BNIP1: variants seen among roughly 807,000 people sequenced by gnomAD.
BNIP1 encodes BCL2 interacting protein 1.
In BNIP1, 25 loss-of-function variants were observed where a neutral mutation model predicts 28.5. The ratio of observed to expected loss-of-function variants is 0.88; its 90% CI spans 0.64 to 1.23. BNIP1 has a LOEUF of 1.23. Ranked by LOEUF, BNIP1 falls within the 50% of genes most tolerant of loss-of-function variation. BNIP1 has a pLI of 0.00. For synonymous variants in BNIP1, 118 were observed against 101.7 expected (o/e 1.16, Z -0.96); for missense variants, 276 against 277.0 (o/e 1.00, Z 0.02).
intron 2 of BNIP1, 144 bp from the exon 3 acceptor site, chr5:173,154,178 A>C: frequency 1.6e-6 from 1 of 636,944 alleles, no homozygotes; most frequent in Non-Finnish European, 2.7e-6. Flanking sequence ...GATGTGTGTT[A>C]TATGTTACCT....
At chr5:173,153,647 GT>G (rs1554089693) in intron 2 of BNIP1, among the ~76,000 whole-genome samples, 1 of 151,574 alleles carries the variant, frequency 6.6e-6, no homozygotes, top group Admixed American at 6.6e-5. Context: ...TCTCAGGGGA[GT>G]TTTTTTTTAA....
rs143767075 is a variant in BNIP1 at position 173,163,794 on chromosome 5, G to T, written c.560G>T (p.Gly187Val). The T allele has an allele frequency of 3.1e-6, 5 of 1,613,746 alleles. No individual in the cohort carries two copies. Among genetic ancestry groups the T allele is most frequent in the African/African-American group, 1.3e-5 (1 of 74,910 alleles). The change falls in exon 6 of 6, where the codon GGC becomes GTC. Residue 187 changes from glycine (G) to valine (V), a missense_variant. Physicochemically the swap from Gly to Val is moderately radical, Grantham distance 109 (BLOSUM62 -3). Coordinates refer to ENST00000351486, the MANE Select transcript of BNIP1 (RefSeq NM_001205.3). ...TCCATGTCGGGCACCATCCAGCTGG[G>T]CCGGAAGCTTATCACAAAATACAAT... Reference protein sequence around the residue: ...FKSMSGTIQLGRKLITKYNRR... With the variant: ...FKSMSGTIQLVRKLITKYNRR...
chr5:173,162,378 C>T (rs1760388477), intron 5 of BNIP1, among the ~76,000 whole-genome samples: 1 of 152,226 alleles, frequency 6.6e-6, no homozygotes, highest in South Asian at 2.1e-4. Flanking sequence ...AATCCCAGCA[C>T]TTTGGGAGGC....
At chr5:173,157,779 G>A (rs562159859) in intron 3 of BNIP1, among the ~76,000 whole-genome samples, 180 of 152,282 alleles carry the variant, frequency 1.2e-3, no homozygotes, top group Non-Finnish European at 1.8e-3. Flanking sequence ...ACAAGTTAGC[G>A]CAGGTGAAGA....
At chr5:173,160,565 C>T (rs1561599603) in intron 5 of BNIP1, among the ~76,000 whole-genome samples, 1 of 152,148 alleles carries the variant, frequency 6.6e-6, no homozygotes, top group Non-Finnish European at 1.5e-5. Context: ...ACCCCACACC[C>T]CCATCGATGT....
chr5:173,150,300 GC>G (rs1293813732), intron 2 of BNIP1, among the ~76,000 whole-genome samples: 3 of 151,658 alleles, frequency 2.0e-5, no homozygotes, highest in Non-Finnish European at 4.4e-5. Flanking sequence ...ATATAACATG[GC>G]CCCCAAAGCC....
chr5:173,160,841 G>C, intron 5 of BNIP1: 1 of 456,228 alleles, frequency 2.2e-6, no homozygotes, highest in South Asian at 1.5e-5. Flanking sequence ...TAAAAGATGT[G>C]AATCAGAGGC....
chr5:173,159,703 G>A (rs1046489037), intron 4 of BNIP1, among the ~76,000 whole-genome samples: 11 of 152,194 alleles, frequency 7.2e-5, no homozygotes, highest in Admixed American at 7.2e-4. Flanking sequence ...ACATTACCAA[G>A]GCTCTTCAAT....
Position 173,163,865 on chromosome 5 carries a change from C to G in BNIP1, c.631C>G (p.Leu211Val). The G allele has an allele frequency of 6.2e-7, 1 of 1,613,902 alleles. No homozygotes were observed. The highest frequency in any genetic ancestry group is 8.5e-7 in the Non-Finnish European group (1 of 1,179,912). Residue 211 changes from leucine to valine, a missense_variant, in exon 6 of 6, where the codon CTG (leucine) becomes GTG (valine). Leu to Val is a conservative substitution (Grantham distance 32). Coordinates refer to ENST00000351486, the MANE Select transcript of BNIP1 (RefSeq NM_001205.3). ...DKLLIFLALA[L>V]FLATVLYIVK... ...GCTTCTCATCTTCCTTGCGCTAGCC[C>G]TGTTTCTTGCTACGGTCCTCTATAT... is the stretch of plus-strand genomic sequence containing the variant.
intron 4 of BNIP1, among the ~76,000 whole-genome samples, chr5:173,159,414 A>G (rs1212547645): frequency 6.6e-6 from 1 of 152,028 alleles, no homozygotes. Context: ...ATTTCTTACA[A>G]AGTCAAAATT....
At chr5:173,145,423 ACGGAGTCTCGCTCTGT>A (rs1306667438) in intron 1 of BNIP1, among the ~76,000 whole-genome samples, 1 of 152,154 alleles carries the variant, frequency 6.6e-6, no homozygotes, top group East Asian at 1.9e-4. Flanking sequence ...TTTTTTTGAG[ACGGAGTCTCGCTCTGT>A]CGCCCAGGCT....
chr5:173,146,399 C>T (rs181602130), intron 1 of BNIP1, among the ~76,000 whole-genome samples: 172 of 152,324 alleles, frequency 1.1e-3, no homozygotes, highest in Admixed American at 1.5e-3. Context: ...TATATAAACA[C>T]TCTAACTTAT....
intron 3 of BNIP1, among the ~76,000 whole-genome samples, chr5:173,155,678 G>C (rs1294591144): frequency 6.6e-6 from 1 of 152,002 alleles, no homozygotes; most frequent in South Asian, 2.1e-4. Context: ...GGGTGACAGA[G>C]TGAGACTCCA....
chr5:173,157,710 C>T (rs778285647), intron 3 of BNIP1, among the ~76,000 whole-genome samples: 6 of 151,944 alleles, frequency 3.9e-5, no homozygotes, highest in African/African-American at 4.8e-5. Context: ...CCACCACGCC[C>T]GGTCAACTGT....
At chr5:173,159,147 C>T (rs768819167) in intron 4 of BNIP1, among the ~76,000 whole-genome samples, 71 of 152,002 alleles carry the variant, frequency 4.7e-4, no homozygotes, top group Non-Finnish European at 8.4e-4. Flanking sequence ...AAGTGATTCT[C>T]CTGCCTCAGC....
At chr5:173,152,696 T>A (rs2113846617) in intron 2 of BNIP1, among the ~76,000 whole-genome samples, 1 of 152,288 alleles carries the variant, frequency 6.6e-6, no homozygotes, top group Admixed American at 6.5e-5. Flanking sequence ...AACAAATAAT[T>A]ATGAAAATAA....
intron 3 of BNIP1, among the ~76,000 whole-genome samples, chr5:173,157,489 A>G (rs1400310967): frequency 6.6e-6 from 1 of 151,736 alleles, no homozygotes; most frequent in African/African-American, 2.4e-5. Context: ...ATCTTGGCTC[A>G]CTGCAACCTC....
chr5:173,159,791 C>T, intron 4 of BNIP1, 142 bp from the exon 5 acceptor site: 1 of 761,388 alleles, frequency 1.3e-6, no homozygotes, highest in Non-Finnish European at 2.2e-6. Context: ...CTCAGCACAC[C>T]CTTTCCAGCA....
chr5:173,151,733 C>T (rs1013782745), intron 2 of BNIP1: 15 of 1,609,732 alleles, frequency 9.3e-6, no homozygotes, highest in Middle Eastern at 1.6e-4. Context: ...TCTGGGTGCC[C>T]ACCCAGTGTT....
Sources: allele counts gnomAD v4.1 joint callset (sites outside exome capture counted in the v4.1 genomes callset), GRCh38; gene constraint gnomAD v4.1.1; transcripts MANE v1.5; gene names NCBI Gene and HGNC (gene_info 2026-07-23, HGNC 2026-07-21).